The following PIP4K2A variants were observed in gnomAD, a reference collection of about 807,000 sequenced individuals.
The protein encoded by PIP4K2A is phosphatidylinositol-5-phosphate 4-kinase type 2 alpha, also known as phosphatidylinositol 5-phosphate 4-kinase type-2 alpha.
A neutral mutation model predicts 42.9 loss-of-function variants in PIP4K2A; 14 were observed. That is an observed-to-expected ratio of 0.33 (90% CI 0.22 to 0.51). The LOEUF is 0.51. Among genes scored for constraint, PIP4K2A ranks in the 20% least tolerant of loss-of-function variants. The pLI, the probability that PIP4K2A is intolerant of heterozygous loss-of-function variation, is 0.97. For missense variants in PIP4K2A, 434 were observed against 519.8 expected, an observed-to-expected ratio of 0.83 and a Z score of 1.61; for synonymous variants, 192 against 192.2, an observed-to-expected ratio of 1.00 and a Z score of 0.01.
rs893841148 is a variant in PIP4K2A at position 22,536,606 on chromosome 10, G to C, written c.*595C>G. ...AGGGAGAGTGTCTGCGTGCGGGGTAGAAATGGAACATTCGCTGTAGGTTTT... is the reference window on the plus strand; with the variant it reads ...AGGGAGAGTGTCTGCGTGCGGGGTACAAATGGAACATTCGCTGTAGGTTTT... On this transcript the variant is annotated 3_prime_UTR_variant, in exon 10 of 10. Coordinates refer to ENST00000376573, the MANE Select transcript of PIP4K2A (RefSeq NM_005028.5). The C allele has an allele frequency of 1.4e-5, 2 of 148,014 alleles. No homozygotes were observed. Among genetic ancestry groups the C allele is most frequent in the Non-Finnish European group, 1.5e-5 (1 of 68,842 alleles). 9.2% of individuals were successfully genotyped at this position (148,014 alleles called of 1,614,324 possible).
At chr10:22,712,756 G>A (rs188805286) in intron 1 of PIP4K2A, among the ~76,000 whole-genome samples, 2 of 152,228 alleles carry the variant, frequency 1.3e-5, no homozygotes, top group Admixed American at 1.3e-4. Flanking sequence ...TCATTAAGCT[G>A]GATAAAAATA....
At chr10:22,639,222 A>C (rs1314548930) in intron 1 of PIP4K2A, among the ~76,000 whole-genome samples, 1 of 152,196 alleles carries the variant, frequency 6.6e-6, no homozygotes, top group Non-Finnish European at 1.5e-5. Flanking sequence ...GGAATACCGA[A>C]AGCCATTTAG....
At chr10:22,542,428 T>G (rs1168155278) in intron 7 of PIP4K2A, among the ~76,000 whole-genome samples, 1 of 152,106 alleles carries the variant, frequency 6.6e-6, no homozygotes, top group African/African-American at 2.4e-5. Flanking sequence ...AACCCAGGCA[T>G]CTCCCAAGTA....
intron 2 of PIP4K2A, 137 bp from the exon 3 acceptor site, chr10:22,608,160 C>G (rs180779200): frequency 1.8e-6 from 1 of 557,604 alleles, no homozygotes; most frequent in East Asian, 3.0e-5. Flanking sequence ...CTTCCTAGAA[C>G]CAGGTACAAC....
chr10:22,537,420 A>G, intron 9 of PIP4K2A, 139 bp from the exon 10 acceptor site: 1 of 655,296 alleles, frequency 1.5e-6, no homozygotes, highest in South Asian at 2.0e-5. Context: ...TCTGCTCTGA[A>G]AAACATCACT....
At chr10:22,592,784 G>A (rs572901938) in intron 3 of PIP4K2A, among the ~76,000 whole-genome samples, 4 of 152,252 alleles carry the variant, frequency 2.6e-5, no homozygotes, top group South Asian at 2.1e-4. Flanking sequence ...AGAAAGTCTC[G>A]TCTCCATCCT....
chr10:22,703,866 A>C (rs948372388), intron 1 of PIP4K2A, among the ~76,000 whole-genome samples: 4 of 152,132 alleles, frequency 2.6e-5, no homozygotes, highest in African/African-American at 9.7e-5. Context: ...GAGTGGGGAG[A>C]AAAAAGCATA....
At chr10:22,700,539 CTG>C (rs1260534614) in intron 1 of PIP4K2A, among the ~76,000 whole-genome samples, 1 of 152,194 alleles carries the variant, frequency 6.6e-6, no homozygotes, top group Non-Finnish European at 1.5e-5. Context: ...ACAGGCACCT[CTG>C]TGCACATCAG....
intron 1 of PIP4K2A, among the ~76,000 whole-genome samples, chr10:22,643,345 T>C (rs530732287): frequency 6.6e-6 from 1 of 152,306 alleles, no homozygotes; most frequent in African/African-American, 2.4e-5. Context: ...CGTGCTATGA[T>C]AGAAGTTTGA....
intron 5 of PIP4K2A, among the ~76,000 whole-genome samples, chr10:22,570,643 G>T (rs1836962223): frequency 6.6e-6 from 1 of 152,204 alleles, no homozygotes; most frequent in South Asian, 2.1e-4. Context: ...TCTAAGCATG[G>T]TTCAGAACCC....
intron 1 of PIP4K2A, among the ~76,000 whole-genome samples, chr10:22,665,403 A>AT (rs1479762201): frequency 6.6e-6 from 1 of 152,060 alleles, no homozygotes; most frequent in African/African-American, 2.4e-5. Flanking sequence ...ACGCACTATA[A>AT]TTTATTTAGC....
chr10:22,586,442 A>G (rs1201987421), intron 4 of PIP4K2A, among the ~76,000 whole-genome samples: 1 of 152,266 alleles, frequency 6.6e-6, no homozygotes, highest in East Asian at 1.9e-4. Context: ...ACTGAATGCC[A>G]CATGAGAATG....
intron 4 of PIP4K2A, among the ~76,000 whole-genome samples, chr10:22,583,397 G>C (rs941212183): frequency 1.3e-5 from 2 of 152,194 alleles, no homozygotes; most frequent in Non-Finnish European, 2.9e-5. Context: ...CCTATGCCTG[G>C]GGCTGGGGGG....
At chr10:22,683,584 GA>G (rs1839704367) in intron 1 of PIP4K2A, among the ~76,000 whole-genome samples, 1 of 152,140 alleles carries the variant, frequency 6.6e-6, no homozygotes, top group South Asian at 2.1e-4. Flanking sequence ...GTCAACTGTC[GA>G]AAACAAGTTA....
intron 4 of PIP4K2A, among the ~76,000 whole-genome samples, chr10:22,587,349 C>T (rs140453584): frequency 7.9e-5 from 12 of 152,246 alleles, no homozygotes; most frequent in East Asian, 3.9e-4. Context: ...TGCACCTGAA[C>T]GATCTGCATT....
In PIP4K2A at chr10:22,687,168, G is replaced by A. The variant is rs559116712; in HGVS notation, c.144+27015C>T. ...TTAAAAAAAAAAAAAAAGGATGAAG[G>A]AAATGTCGACCTCAGATGAAAGAGA... On this transcript the variant is annotated intron_variant, in intron 1 of 9. Coordinates refer to ENST00000376573, the MANE Select transcript of PIP4K2A (RefSeq NM_005028.5). Among the ~76,000 whole-genome samples the A allele has an allele frequency of 4.7e-4, 71 of 150,592 alleles. 2 individuals carry two copies. Among genetic ancestry groups the A allele is most frequent in the Admixed American group, 2.8e-3 (43 of 15,186 alleles).
chr10:22,540,002 GCTTT>G lies in PIP4K2A; in HGVS notation c.1105_1108del (p.Lys369LeufsTer19). On this transcript the variant is annotated frameshift_variant, in exon 9 of 10. Transcript: ENST00000376573. LOFTEE classifies it high-confidence loss of function. ...TTTAACAGTTTTTGCAGCATGGGCAGCTTTCTTTTTTGCATCATAATGAGTAAGG... is the reference window on the plus strand; with the variant it reads ...TTTAACAGTTTTTGCAGCATGGGCAGCTTTTTTGCATCATAATGAGTAAGG... 6.2e-7 allele frequency: 1 copy of G among 1,611,260 alleles called. No individual in the cohort carries two copies. The highest frequency in any genetic ancestry group is 8.5e-7 in the Non-Finnish European group (1 of 1,177,484).
intron 1 of PIP4K2A, among the ~76,000 whole-genome samples, chr10:22,686,582 C>CA (rs1839768594): frequency 6.6e-6 from 1 of 152,078 alleles, no homozygotes; most frequent in Admixed American, 6.5e-5. Flanking sequence ...GCTTAAGTTC[C>CA]ACCTCAGCCT....
At chr10:22,592,844 G>C (rs1468305981) in intron 3 of PIP4K2A, among the ~76,000 whole-genome samples, 1 of 152,216 alleles carries the variant, frequency 6.6e-6, no homozygotes, top group Non-Finnish European at 1.5e-5. Flanking sequence ...GGCCCTGCGG[G>C]ATGGCCTGTG....
Sources: allele counts gnomAD v4.1 joint callset (sites outside exome capture counted in the v4.1 genomes callset), GRCh38; gene constraint gnomAD v4.1.1; transcripts MANE v1.5; gene names NCBI Gene and HGNC (gene_info 2026-07-23, HGNC 2026-07-21).